CDH13: variants seen among roughly 807,000 people sequenced by gnomAD.
CDH13 encodes cadherin 13.
Under a neutral mutation model 63.8 loss-of-function variants are expected in CDH13, and 24 were observed. The observed-to-expected ratio is 0.38, with a 90% CI of 0.27 to 0.53. The LOEUF (loss-of-function observed/expected upper bound fraction) is 0.53, where lower values mean the gene tolerates loss of function less well. Among genes scored for constraint, CDH13 ranks in the 20% least tolerant of loss-of-function variants. CDH13 has a pLI of 0.85. For missense variants in CDH13, 1,049 were observed against 903.1 expected (o/e 1.16, Z -2.07); for synonymous variants, 503 against 355.3 (o/e 1.42, Z -4.67).
At chr16:82,697,416 CTTTTTTCTTTTTTTTTTTT>C (rs903614400) in intron 1 of CDH13, among the ~76,000 whole-genome samples, 4 of 106,362 alleles carry the variant, frequency 3.8e-5, no homozygotes, top group Non-Finnish European at 1.9e-5. Flanking sequence ...CAAGGCATTT[CTTTTTTCTTTTTTTTTTTT>C]TTTTTTTTTT....
At chr16:82,834,018 C>A (rs12921053) in intron 1 of CDH13, among the ~76,000 whole-genome samples, 14,239 of 152,254 alleles carry the variant, frequency 0.094, 2,309 homozygotes, top group East Asian at 0.76. Context: ...ATGACTATCT[C>A]ATTTTTAATA....
At chr16:83,418,252 G>GA (rs2071612476) in intron 6 of CDH13, among the ~76,000 whole-genome samples, 1 of 152,120 alleles carries the variant, frequency 6.6e-6, no homozygotes, top group South Asian at 2.1e-4. Context: ...GATTAAAAGG[G>GA]AAAAATTATG....
intron 2 of CDH13, among the ~76,000 whole-genome samples, chr16:82,997,164 G>A (rs1233027718): frequency 6.7e-6 from 1 of 149,664 alleles, no homozygotes; most frequent in Non-Finnish European, 1.5e-5. Context: ...GGTGATGATA[G>A]TGATGGTGAT....
chr16:82,697,423 CTTTTTTTT>C (rs34376129), intron 1 of CDH13, among the ~76,000 whole-genome samples: 5,623 of 55,054 alleles, frequency 0.1, 232 homozygotes, highest in African/African-American at 0.21. Context: ...TTTCTTTTTT[CTTTTTTTT>C]TTTTTTTTTT....
At chr16:83,291,107 G>A (rs1435569231) in intron 5 of CDH13, among the ~76,000 whole-genome samples, 1 of 152,128 alleles carries the variant, frequency 6.6e-6, no homozygotes, top group East Asian at 1.9e-4. Flanking sequence ...AAAGCGGCAA[G>A]CTACCAACCT....
chr16:82,807,807 A>G (rs28489295), intron 1 of CDH13, among the ~76,000 whole-genome samples: 2,442 of 152,298 alleles, frequency 0.016, 52 homozygotes, highest in African/African-American at 0.056. Flanking sequence ...GTTATTTACA[A>G]TTAGATCCAT....
At chr16:83,729,584 T>C (rs1347738325) in intron 10 of CDH13, among the ~76,000 whole-genome samples, 1 of 152,226 alleles carries the variant, frequency 6.6e-6, no homozygotes, top group Non-Finnish European at 1.5e-5. Context: ...TATCACTTAC[T>C]AGCTGTGTGT....
At chr16:83,523,540 A>G (rs571848287) in intron 7 of CDH13, among the ~76,000 whole-genome samples, 6 of 152,136 alleles carry the variant, frequency 3.9e-5, no homozygotes, top group African/African-American at 1.4e-4. Context: ...TGCCCCCCAC[A>G]CCAGGACTCT....
At chr16:82,789,567 C>T (rs919554329) in intron 1 of CDH13, among the ~76,000 whole-genome samples, 13 of 152,118 alleles carry the variant, frequency 8.5e-5, no homozygotes, top group African/African-American at 3.1e-4. Context: ...TTTCAAAGGC[C>T]ATTCTGGGCT....
intron 1 of CDH13, among the ~76,000 whole-genome samples, chr16:82,741,960 G>A (rs954390739): frequency 6.6e-6 from 1 of 152,134 alleles, no homozygotes; most frequent in Non-Finnish European, 1.5e-5. Flanking sequence ...AAATAAAGAT[G>A]TGAAAAAATT....
At position 82,770,417 on chromosome 16, in the gene CDH13, G is replaced by A. The variant is rs536987427; in HGVS notation, c.46-87945G>A. Among the ~76,000 whole-genome samples, 38 of 152,272 alleles carry A rather than the reference G, an allele frequency of 2.5e-4. No homozygotes were observed. The South Asian group carries it at 4.1e-3, about 17-fold the overall frequency. On this transcript the variant is annotated intron_variant, in intron 1 of 13. Coordinates refer to ENST00000567109, the MANE Select transcript of CDH13 (RefSeq NM_001257.5). ...AGTCCAATTATAATGGTTCTTGACCGTTTAGTTATTTAGTCTTTTTCCTTT... is the reference window on the plus strand; with the variant it reads ...AGTCCAATTATAATGGTTCTTGACCATTTAGTTATTTAGTCTTTTTCCTTT...
At chr16:82,947,708 T>G (rs1216723982) in intron 2 of CDH13, among the ~76,000 whole-genome samples, 1 of 152,080 alleles carries the variant, frequency 6.6e-6, no homozygotes, top group Non-Finnish European at 1.5e-5. Context: ...AGTTTGGGAG[T>G]AGGGGTGGGA....
At chr16:83,007,597 G>C (rs945702501) in intron 2 of CDH13, among the ~76,000 whole-genome samples, 3 of 152,006 alleles carry the variant, frequency 2.0e-5, no homozygotes, top group Non-Finnish European at 1.5e-5. Context: ...TGGGAGGCTG[G>C]GGCAGGTGGA....
chr16:82,696,701 G>A (rs1480032019), intron 1 of CDH13, among the ~76,000 whole-genome samples: 1 of 152,210 alleles, frequency 6.6e-6, no homozygotes, highest in Non-Finnish European at 1.5e-5. Context: ...GTTTCAGTGG[G>A]ATGCTATCTA....
chr16:83,093,332 T>TTTTTTTGG (rs2034018682), intron 3 of CDH13, among the ~76,000 whole-genome samples: 1 of 109,136 alleles, frequency 9.2e-6, no homozygotes, highest in Non-Finnish European at 1.8e-5. Context: ...TTTTTTTTTT[T>TTTTTTTGG]GAGGTGGAGT....
In CDH13 at chr16:83,481,146, A is replaced by G. The variant is rs2073751174; in HGVS notation, c.782-5331A>G. On this transcript the variant is annotated intron_variant, in intron 6 of 13. Coordinates refer to ENST00000567109, the MANE Select transcript of CDH13 (RefSeq NM_001257.5). ...CTGGTGACATCTGCCATCTCTGCTC[A>G]TGTTTGCTTTAACATCACACTTCTC... Among the ~76,000 whole-genome samples the G allele has an allele frequency of 2.0e-5, 3 of 152,178 alleles. No homozygotes were observed. The South Asian group carries it at 6.2e-4, about 32-fold the overall frequency.
intron 7 of CDH13, among the ~76,000 whole-genome samples, chr16:83,594,724 T>C (rs928854773): frequency 3.3e-5 from 5 of 152,196 alleles, no homozygotes; most frequent in African/African-American, 1.2e-4. Context: ...TATTTGTTGA[T>C]TTTCCCCCCA....
chr16:83,724,731 C>T (rs139488886), intron 10 of CDH13, among the ~76,000 whole-genome samples: 1 of 152,170 alleles, frequency 6.6e-6, no homozygotes, highest in Non-Finnish European at 1.5e-5. Context: ...CCCTCCCTTC[C>T]CAGCCTGAGC....
At chr16:83,648,995 C>T (rs1219669766) in intron 8 of CDH13, among the ~76,000 whole-genome samples, 1 of 152,216 alleles carries the variant, frequency 6.6e-6, no homozygotes, top group African/African-American at 2.4e-5. Context: ...CACTGGGGAA[C>T]TGTGGCAAGA....
Sources: allele counts gnomAD v4.1 joint callset (sites outside exome capture counted in the v4.1 genomes callset), GRCh38; gene constraint gnomAD v4.1.1; transcripts MANE v1.5; gene names NCBI Gene and HGNC (gene_info 2026-07-23, HGNC 2026-07-21).